The following SMURF1 variants were observed in gnomAD, a reference collection of about 807,000 sequenced individuals.
The protein encoded by SMURF1 is SMAD specific E3 ubiquitin protein ligase 1, also known as E3 ubiquitin-protein ligase SMURF1.
In SMURF1, 44 loss-of-function variants were observed where a neutral mutation model predicts 98.0. That is an observed-to-expected ratio of 0.45 (90% CI 0.35 to 0.58). The LOEUF is 0.58. Ranked by LOEUF, SMURF1 falls within the 20% of genes least tolerant of loss-of-function variation. SMURF1 has a pLI of 0.00. For synonymous variants in SMURF1, 396 were observed against 374.9 expected (o/e 1.06, Z -0.65); for missense variants, 687 against 938.4 (o/e 0.73, Z 3.50).
At chr7:99,126,971 G>C (rs1797759309) in intron 1 of SMURF1, among the ~76,000 whole-genome samples, 1 of 5,674 alleles carries the variant, frequency 1.8e-4, no homozygotes, top group Admixed American at 3.1e-3. Flanking sequence ...TCTGAGCAGG[G>C]GCCGGGGGGA....
At chr7:99,036,752 T>TC (rs1795161769) in intron 15 of SMURF1, among the ~76,000 whole-genome samples, 2 of 152,064 alleles carry the variant, frequency 1.3e-5, no homozygotes, top group South Asian at 4.1e-4. Flanking sequence ...AACCTGGTTC[T>TC]CCCAAGACAG....
intron 1 of SMURF1, among the ~76,000 whole-genome samples, chr7:99,070,105 A>ATC (rs1337978364): frequency 1.3e-5 from 2 of 152,188 alleles, no homozygotes; most frequent in Non-Finnish European, 2.9e-5. Flanking sequence ...AAATGACAAA[A>ATC]TCATGTGAAC....
At chr7:99,089,671 A>ACAAAT (rs1796767997) in intron 1 of SMURF1, among the ~76,000 whole-genome samples, 1 of 152,000 alleles carries the variant, frequency 6.6e-6, no homozygotes, top group South Asian at 2.1e-4. Flanking sequence ...ACAAAACAAA[A>ACAAAT]CAATACAACG....
chr7:99,051,328 C>CT, intron 8 of SMURF1, 29 bp downstream of exon 8: 1 of 1,575,684 alleles, frequency 6.3e-7, no homozygotes, highest in Non-Finnish European at 8.7e-7. Context: ...GGAAAGACAG[C>CT]TGGGGGGTGT....
intron 1 of SMURF1, among the ~76,000 whole-genome samples, chr7:99,089,043 A>G (rs1414579845): frequency 1.3e-5 from 2 of 152,094 alleles, no homozygotes; most frequent in East Asian, 3.9e-4. Flanking sequence ...ATTTCTACCA[A>G]AAATACAAAA....
At chr7:99,050,208 CA>C (rs1041452677) in intron 8 of SMURF1, 65 of 143,840 alleles carry the variant, frequency 4.5e-4, no homozygotes, top group Middle Eastern at 3.6e-3. Context: ...ATTCCATCTC[CA>C]AAAAAAAAAA....
chr7:99,098,094 A>C (rs1208035857), intron 1 of SMURF1, among the ~76,000 whole-genome samples: 1 of 152,232 alleles, frequency 6.6e-6, no homozygotes, highest in African/African-American at 2.4e-5. Flanking sequence ...AAACGGAGAA[A>C]AAAATCCCAA....
chr7:99,136,983 G>A (rs1408402707), intron 1 of SMURF1, among the ~76,000 whole-genome samples: 3 of 152,092 alleles, frequency 2.0e-5, no homozygotes, highest in Non-Finnish European at 4.4e-5. Context: ...GATACTGTCC[G>A]ATGGCACATT....
intron 8 of SMURF1, 169 bp from the exon 9 acceptor site, chr7:99,049,878 CCT>C (rs1020146843): frequency 3.5e-6 from 2 of 567,808 alleles, no homozygotes; most frequent in African/African-American, 3.8e-5. Flanking sequence ...TCAGTCCAGG[CCT>C]CTCTGCTGCA....
At chr7:99,121,833 A>G (rs1331515226) in intron 1 of SMURF1, among the ~76,000 whole-genome samples, 2 of 152,152 alleles carry the variant, frequency 1.3e-5, no homozygotes, top group Admixed American at 6.5e-5. Context: ...CACCACACCC[A>G]AGACAAGCTC....
intron 3 of SMURF1, among the ~76,000 whole-genome samples, chr7:99,059,453 AAAATAAAATAAAAT>A (rs1563010689): frequency 6.7e-6 from 1 of 149,006 alleles, no homozygotes; most frequent in Non-Finnish European, 1.5e-5. Context: ...AAAATAAAAT[AAAATAAAATAAAAT>A]AGTGGTCTTC....
At chr7:99,035,838 A>G (rs1053489413) in intron 15 of SMURF1, 122 bp from the exon 16 acceptor site, 2 of 902,332 alleles carry the variant, frequency 2.2e-6, no homozygotes, top group Non-Finnish European at 3.4e-6. Flanking sequence ...GCAGCTGTGT[A>G]CTAGGCAGAT....
intron 1 of SMURF1, among the ~76,000 whole-genome samples, chr7:99,140,342 A>AGT (rs1275366063): frequency 1.5e-5 from 2 of 130,086 alleles, no homozygotes; most frequent in African/African-American, 2.9e-5. Context: ...GCTGAAGTGC[A>AGT]GTGGCACAAT....
At chr7:99,097,458 G>A (rs909800979) in intron 1 of SMURF1, among the ~76,000 whole-genome samples, 3 of 152,148 alleles carry the variant, frequency 2.0e-5, no homozygotes, top group African/African-American at 4.8e-5. Flanking sequence ...GGCTCTACTC[G>A]CATGAATGGA....
At chr7:99,046,749 A>AAT in intron 10 of SMURF1, among the ~76,000 whole-genome samples, 1 of 151,742 alleles carries the variant, frequency 6.6e-6, no homozygotes, top group East Asian at 1.9e-4. Flanking sequence ...AAAAAAAAAA[A>AAT]AAAAACCCAA....
chr7:99,045,823 T>A lies in SMURF1; in HGVS notation c.1153-22A>T, dbSNP rs369114967. 3.5e-4 allele frequency: 536 copies of A among 1,553,380 alleles called. 1 individual carries two copies. The African/African-American group carries it at 4.1e-3, about 12-fold the overall frequency. On this transcript the variant is annotated intron_variant, in intron 10 of 17. Coordinates refer to ENST00000361368, the MANE Select transcript of SMURF1 (RefSeq NM_181349.3). Reference sequence around the variant, plus strand: ...ACTCCTGAAGAGCAACATCACAGTTTCAGAGAGAAGAACATTCTTATTCTT... The same window carrying A: ...ACTCCTGAAGAGCAACATCACAGTTACAGAGAGAAGAACATTCTTATTCTT...
intron 1 of SMURF1, among the ~76,000 whole-genome samples, chr7:99,063,419 A>T (rs1796114129): frequency 6.7e-6 from 1 of 148,516 alleles, no homozygotes; most frequent in East Asian, 2.0e-4. Flanking sequence ...CAGCCTCTCG[A>T]GTTGCTGGGA....
rs543028168 is a variant in SMURF1 at position 99,035,379 on chromosome 7, A to G, written c.2011+136T>C. 3.9e-5 allele frequency: 42 copies of G among 1,077,944 alleles called. 1 individual carries two copies. The highest frequency in any genetic ancestry group is 5.2e-5 in the East Asian group (2 of 38,644). 66.8% of individuals were successfully genotyped at this position (1,077,944 alleles called of 1,614,324 possible). The stretch of plus-strand genomic sequence containing the variant: ...GGTAACCACCTCTGTAGGGCAGAGC[A>G]TTAGCTACTGGAGAACATTCCTTAT... On this transcript the variant is annotated intron_variant, in intron 16 of 17. Coordinates refer to ENST00000361368, the MANE Select transcript of SMURF1 (RefSeq NM_181349.3).
chr7:99,064,796 C>T (rs1271989500), intron 1 of SMURF1, among the ~76,000 whole-genome samples: 1 of 152,056 alleles, frequency 6.6e-6, no homozygotes, highest in Admixed American at 6.6e-5. Context: ...TTAATTACAC[C>T]TCCTGCTGAT....
Sources: allele counts gnomAD v4.1 joint callset (sites outside exome capture counted in the v4.1 genomes callset), GRCh38; gene constraint gnomAD v4.1.1; transcripts MANE v1.5; gene names NCBI Gene and HGNC (gene_info 2026-07-23, HGNC 2026-07-21).